Variants in SRRM4 observed in about 807,000 individuals in gnomAD.
SRRM4 encodes serine/arginine repetitive matrix protein 4.
SRRM4 carries 33 observed loss-of-function variants against 68.9 expected under a neutral mutation model. The observed-to-expected ratio is 0.48, with a 90% CI of 0.36 to 0.64. SRRM4 has a LOEUF of 0.64. Ranked by LOEUF, SRRM4 falls within the 30% of genes least tolerant of loss-of-function variation. The probability of loss-of-function intolerance (pLI) is 0.00; values close to 1 mark genes in which losing one functional copy is unlikely to be tolerated. For missense variants in SRRM4, 817 were observed against 827.1 expected (o/e 0.99, Z 0.15); for synonymous variants, 318 against 318.8 (o/e 1.00, Z 0.03).
At chr12:119,125,279 C>G (rs7296134) in intron 6 of SRRM4, 102 bp from the exon 7 acceptor site, 698,133 of 1,026,082 alleles carry the variant, frequency 0.68, 238,348 homozygotes, top group East Asian at 0.77. Context: ...GGATGGTGAC[C>G]AGTGCAAAGG....
In SRRM4 at chr12:119,153,637, A is replaced by AC; in HGVS notation, c.1380dup (p.Ser461GlnfsTer12). 6.4e-7 allele frequency: 1 copy of AC among 1,556,044 alleles called. No individual in the cohort carries two copies. Among genetic ancestry groups the AC allele is most frequent in the Non-Finnish European group, 8.7e-7 (1 of 1,151,832 alleles). On this transcript the variant is annotated frameshift_variant, in exon 11 of 13. Coordinates refer to ENST00000267260, the MANE Select transcript of SRRM4 (RefSeq NM_194286.4). LOFTEE classifies it high-confidence loss of function. ...CGCCGCAGCCCTAGCTACTCCCGCTACAGCCCCAGCAGGTACCGGCCCCGC... is the reference window on the plus strand; with the variant it reads ...CGCCGCAGCCCTAGCTACTCCCGCTACCAGCCCCAGCAGGTACCGGCCCCGC...
chr12:119,119,290 C>T (rs1484657924), intron 4 of SRRM4, among the ~76,000 whole-genome samples: 3 of 151,720 alleles, frequency 2.0e-5, no homozygotes, highest in East Asian at 3.9e-4. Context: ...TTATTGAACA[C>T]CCATTATGTA....
intron 1 of SRRM4, among the ~76,000 whole-genome samples, chr12:119,020,210 C>T (rs956030500): frequency 1.3e-5 from 2 of 152,054 alleles, no homozygotes; most frequent in African/African-American, 4.8e-5. Context: ...TTCACATCCC[C>T]TTTATCATAC....
Position 118,981,927 on chromosome 12 carries a change from C to G in SRRM4, c.45C>G (p.Phe15Leu). The G allele has an allele frequency of 6.2e-7, 1 of 1,613,426 alleles. No individual in the cohort carries two copies. The highest frequency in any genetic ancestry group is 2.2e-5 in the East Asian group (1 of 44,862). The change falls in exon 1 of 13, where the codon TTC becomes TTG. Residue 15 changes from phenylalanine to leucine, a missense_variant. Physicochemically the swap from Phe to Leu is conservative, Grantham distance 22. Transcript: ENST00000267260. The stretch of plus-strand genomic sequence containing the variant: ...GCGAGAAGCAGCTTTTTGAGAAGTT[C>G]TGGCGAGGAACCTTCAAAGCGGTGG... ...QQGEKQLFEKFWRGTFKAVAT... is the reference protein window; with the variant it reads ...QQGEKQLFEKLWRGTFKAVAT...
chr12:119,154,129 C>A lies in SRRM4; in HGVS notation c.1392-114C>A, dbSNP rs551342040. The A allele has an allele frequency of 2.2e-5, 22 of 995,096 alleles. No homozygotes were observed. The highest frequency in any genetic ancestry group is 3.3e-5 in the Non-Finnish European group (22 of 663,964). The allele number at this position is 995,096 out of a possible 1,614,324, so 61.6% of individuals were successfully genotyped here. A position where few individuals can be genotyped will look rare whatever the true frequency, so the allele number is the denominator to read the frequency against. Reference sequence around the variant, plus strand: ...GGTCTCCCTTGCGGCAACGTGCAGACCCCATCCCGTGACCCAGTGGGGTGG... The same window carrying A: ...GGTCTCCCTTGCGGCAACGTGCAGAACCCATCCCGTGACCCAGTGGGGTGG... On this transcript the variant is annotated intron_variant, in intron 11 of 12. Transcript: ENST00000267260. This position sits in a 1 kb window ranked among gnomAD's most constrained non-coding sequence, Gnocchi z 4.7.
chr12:119,112,274 G>A (rs1013008840), intron 2 of SRRM4, among the ~76,000 whole-genome samples: 1 of 152,096 alleles, frequency 6.6e-6, no homozygotes, highest in African/African-American at 2.4e-5. Context: ...CAGTCAGAAT[G>A]GCAATTATTA....
rs115839544 is a variant in SRRM4, at chr12:119,026,851, A to C, written c.131+44838A>C. ...TTTGCCAGGCCCACAATGATCCTTT[A>C]AATTTTGTTCTAGGCATAGCATTGG... On this transcript the variant is annotated intron_variant, in intron 1 of 12. Coordinates refer to ENST00000267260, the MANE Select transcript of SRRM4 (RefSeq NM_194286.4). Among the ~76,000 whole-genome samples, 1,333 of 152,214 alleles carry C rather than the reference A, an allele frequency of 8.8e-3. 25 individuals are homozygous for C. The highest frequency in any genetic ancestry group is 0.031 in the African/African-American group (1,276 of 41,512).
intron 8 of SRRM4, among the ~76,000 whole-genome samples, chr12:119,139,616 G>C (rs1239603275): frequency 6.6e-6 from 1 of 152,134 alleles, no homozygotes; most frequent in Non-Finnish European, 1.5e-5. Context: ...CTTCTAAGTA[G>C]GCCAGATGGA....
intron 1 of SRRM4, among the ~76,000 whole-genome samples, chr12:118,998,291 A>AAAAAAAAAAAAAAAAAC (rs1953362084): frequency 6.7e-6 from 1 of 149,550 alleles, no homozygotes; most frequent in Non-Finnish European, 1.5e-5. Flanking sequence ...AAAAAAAAAA[A>AAAAAAAAAAAAAAAAAC]AAAAAAAATC....
At position 119,154,235 on chromosome 12, in the gene SRRM4, C is replaced by G; in HGVS notation, c.1392-8C>G. 1 of 1,596,242 alleles carries G rather than the reference C, an allele frequency of 6.3e-7. No individual in the cohort carries two copies. The highest frequency in any genetic ancestry group is 8.5e-7 in the Non-Finnish European group (1 of 1,169,996). On this transcript the variant is annotated splice_region_variant and splice_polypyrimidine_tract_variant and intron_variant, in intron 11 of 12. Coordinates refer to ENST00000267260, the MANE Select transcript of SRRM4 (RefSeq NM_194286.4). This position sits in a 1 kb window ranked among gnomAD's most constrained non-coding sequence, Gnocchi z 4.7. ...CCAGCTCCCCAGTAACCCCCCGCGCCCCTTCAGGGAGCGGGATCCCAAATA... is the reference window on the plus strand; with the variant it reads ...CCAGCTCCCCAGTAACCCCCCGCGCGCCTTCAGGGAGCGGGATCCCAAATA...
chr12:119,111,565 C>T (rs769230731), intron 2 of SRRM4, among the ~76,000 whole-genome samples: 34 of 151,656 alleles, frequency 2.2e-4, no homozygotes, highest in Non-Finnish European at 4.6e-4. Context: ...ATTTTTTTTT[C>T]TCTCAAGTTT....
In SRRM4 at chr12:119,102,256, C is replaced by T. The variant is rs1954081989; in HGVS notation, c.152C>T (p.Pro51Leu). The change falls in exon 2 of 13, where the codon CCC (proline) becomes CTC (leucine). Residue 51 changes from proline to leucine, a missense_variant. Pro to Leu is a moderately conservative substitution (Grantham distance 98, BLOSUM62 -3). Coordinates refer to ENST00000267260, the MANE Select transcript of SRRM4 (RefSeq NM_194286.4). ...TGTAGGACAGAGCCCCAGAATAACC[C>T]CGTTGTCCCAGCTCAGGATGGACCC... Reference protein sequence around the residue: ...PLPRTEPQNNPVVPAQDGPSE... With the variant: ...PLPRTEPQNNLVVPAQDGPSE... The T allele has an allele frequency of 1.2e-6, 2 of 1,613,484 alleles. No individual in the cohort carries two copies. The highest frequency in any genetic ancestry group is 1.7e-6 in the Non-Finnish European group (2 of 1,179,652).
intron 9 of SRRM4, among the ~76,000 whole-genome samples, chr12:119,148,253 G>A (rs942717635): frequency 1.3e-5 from 2 of 152,122 alleles, no homozygotes; most frequent in South Asian, 2.1e-4. Flanking sequence ...TTTCAGTCCT[G>A]GACAAACAGC....
At chr12:119,081,907 G>A (rs1343858733) in intron 1 of SRRM4, among the ~76,000 whole-genome samples, 1 of 111,710 alleles carries the variant, frequency 9.0e-6, no homozygotes, top group East Asian at 3.1e-4. Flanking sequence ...GCCATTAACG[G>A]AGATGATGAA....
Position 119,045,272 on chromosome 12 carries a change from G to A in SRRM4, c.132-56964G>A, listed in dbSNP as rs74775416. On this transcript the variant is annotated intron_variant, in intron 1 of 12. Coordinates refer to ENST00000267260, the MANE Select transcript of SRRM4 (RefSeq NM_194286.4). ...TTCAGAAATCTTTCCACATTGCCAC[G>A]CTTTCCAAAGAGGAAGACCCACCCC... is the stretch of plus-strand genomic sequence containing the variant. Among the ~76,000 whole-genome samples the A allele has an allele frequency of 4.6e-3, 697 of 152,088 alleles. 4 individuals are homozygous for A. Among genetic ancestry groups the A allele is most frequent in the African/African-American group, 0.016 (664 of 41,466 alleles).
intron 1 of SRRM4, among the ~76,000 whole-genome samples, chr12:119,017,191 T>C (rs562795553): frequency 6.6e-6 from 1 of 152,364 alleles, no homozygotes; most frequent in African/African-American, 2.4e-5. Flanking sequence ...GGGTAGCTGA[T>C]TGATAAGTCT....
At chr12:119,124,442 T>C (rs1252021553) in intron 6 of SRRM4, 1 of 152,190 alleles carries the variant, frequency 6.6e-6, no homozygotes, top group Non-Finnish European at 1.5e-5. Flanking sequence ...ATGATTACAT[T>C]AGAAGAATCC....
At chr12:119,033,416 A>C (rs1953604875) in intron 1 of SRRM4, among the ~76,000 whole-genome samples, 2 of 152,320 alleles carry the variant, frequency 1.3e-5, no homozygotes, top group Admixed American at 1.3e-4. Context: ...CTGTAATCCC[A>C]GCACTTAGGG....
chr12:119,060,327 A>G (rs1281022393), intron 1 of SRRM4, among the ~76,000 whole-genome samples: 1 of 150,992 alleles, frequency 6.6e-6, no homozygotes, highest in Non-Finnish European at 1.5e-5. Context: ...CCATGGATCC[A>G]AAGTGGAAAT....
Sources: gnomAD v4.1 joint callset for allele counts (sites outside exome capture counted in the v4.1 genomes callset) on GRCh38, gnomAD v4.1.1 for gene constraint, Gnocchi (gnomAD v3.1) non-coding constraint, MANE v1.5 for transcripts, NCBI Gene and HGNC (gene_info 2026-07-23, HGNC 2026-07-21) for gene names.